SLC31A2: variants seen among roughly 807,000 people sequenced by gnomAD.
SLC31A2 encodes solute carrier family 31 member 2.
In SLC31A2, 16 loss-of-function variants were observed where a neutral mutation model predicts 14.4. The observed-to-expected ratio is 1.11, with a 90% CI of 0.75 to 1.69. The LOEUF is 1.69. Among genes scored for constraint, SLC31A2 ranks in the 40% most tolerant of loss-of-function variants. The pLI, the probability that SLC31A2 is intolerant of heterozygous loss-of-function variation, is 0.00. For synonymous variants in SLC31A2, 56 were observed against 68.7 expected (o/e 0.82, Z 0.91); for missense variants, 140 against 173.9 (o/e 0.81, Z 1.10).
At chr9:113,160,021 A>C (rs904799722) in intron 2 of SLC31A2, among the ~76,000 whole-genome samples, 25 of 152,170 alleles carry the variant, frequency 1.6e-4, no homozygotes, top group African/African-American at 5.8e-4. Flanking sequence ...CTAAAAATAC[A>C]AAAAAATTAG....
chr9:113,151,209 C>A lies in SLC31A2; in HGVS notation c.6+129C>A. 1.0e-6 allele frequency: 1 copy of A among 983,674 alleles called. No individual in the cohort carries two copies. Among genetic ancestry groups the A allele is most frequent in the Non-Finnish European group, 1.3e-6 (1 of 746,514 alleles). The allele number at this position is 983,674 out of a possible 1,614,324, so 60.9% of individuals were successfully genotyped here. A position where few individuals can be genotyped will look rare whatever the true frequency, so the allele number is the denominator to read the frequency against. On this transcript the variant is annotated intron_variant, in intron 1 of 3. Coordinates refer to ENST00000259392, the MANE Select transcript of SLC31A2 (RefSeq NM_001860.3). This position sits in a 1 kb window ranked among gnomAD's most constrained non-coding sequence, Gnocchi z 4.2. ...GGTGAAGGGTGTGTTGGCAGCATTG[C>A]CAACAGCTGGAACAGGGTTGGGGGA...
At chr9:113,152,660 T>TC (rs1359252885) in intron 1 of SLC31A2, among the ~76,000 whole-genome samples, 1 of 152,068 alleles carries the variant, frequency 6.6e-6, no homozygotes, top group Non-Finnish European at 1.5e-5. Context: ...CACTTAAATG[T>TC]CCCCCCTCAT....
rs1293147048 is a variant in SLC31A2, at chr9:113,155,946, T to C, written c.7-1781T>C. The C allele has an allele frequency of 8.6e-6, 4 of 464,606 alleles. No individual in the cohort carries two copies. The East Asian group carries it at 2.3e-4, about 26-fold the overall frequency. 28.8% of individuals were successfully genotyped at this position (464,606 alleles called of 1,614,324 possible). A position where few individuals can be genotyped will look rare whatever the true frequency, so the allele number is the denominator to read the frequency against. On this transcript the variant is annotated intron_variant, in intron 1 of 3. Transcript: ENST00000259392. ...CTGGACTCAGACTACTATTCTTTAC[T>C]ATCTCCTTTGGTCCTAACTGTTGAG...
Position 113,163,065 on chromosome 9 carries a change from TCC to T in SLC31A2, c.*150_*151del. The T allele has an allele frequency of 4.1e-6, 3 of 723,418 alleles. No individual in the cohort carries two copies. In the Admixed American group the frequency reaches 1.0e-4, roughly 25 times the overall value. The allele number at this position is 723,418 out of a possible 1,614,324, so 44.8% of individuals were successfully genotyped here. On this transcript the variant is annotated 3_prime_UTR_variant, in exon 4 of 4. Coordinates refer to ENST00000259392, the MANE Select transcript of SLC31A2 (RefSeq NM_001860.3). ...ACTTTGAGCTGAAGCCAGCACTTGC[TCC>T]CTGGAGTTCGGAAGCCATTGCAGCA...
At chr9:113,162,091 G>T in intron 3 of SLC31A2, 1 of 342,622 alleles carries the variant, frequency 2.9e-6, no homozygotes, top group Non-Finnish European at 5.5e-6. Context: ...GGTGGGAGGA[G>T]GATGACAAGC....
chr9:113,160,884 A>G (rs1203576191), intron 2 of SLC31A2: 1 of 152,244 alleles, frequency 6.6e-6, no homozygotes, highest in Non-Finnish European at 1.5e-5. Flanking sequence ...CAGGATATAT[A>G]TCTCTTATTA....
At chr9:113,153,909 C>G (rs1388188223) in intron 1 of SLC31A2, among the ~76,000 whole-genome samples, 1 of 152,158 alleles carries the variant, frequency 6.6e-6, no homozygotes, top group African/African-American at 2.4e-5. Context: ...GCTGCAGCGT[C>G]CAAATCTGAG....
At chr9:113,160,373 A>G (rs1304622820) in intron 2 of SLC31A2, among the ~76,000 whole-genome samples, 1 of 151,950 alleles carries the variant, frequency 6.6e-6, no homozygotes, top group Non-Finnish European at 1.5e-5. Context: ...AAAATTATTC[A>G]TATATAATAG....
rs1287434540 is a variant in SLC31A2, at chr9:113,151,069, C to T, written c.-6C>T. 2.3e-6 allele frequency: 3 copies of T among 1,307,116 alleles called. No homozygotes were observed. Among genetic ancestry groups the T allele is most frequent in the South Asian group, 5.8e-5 (2 of 34,510 alleles). The allele number at this position is 1,307,116 out of a possible 1,614,324, so 81.0% of individuals were successfully genotyped here. ...GCGGCCCTGGCGCCCGCCCTGCGCA[C>T]TCACCATGGCGGTAAGGGCCGGGCG... On this transcript the variant is annotated 5_prime_UTR_variant, in exon 1 of 4. Transcript: ENST00000259392. The surrounding 1 kb of genome is among the most constrained non-coding windows in gnomAD (Gnocchi z 4.2).
intron 1 of SLC31A2, among the ~76,000 whole-genome samples, chr9:113,155,557 ATTCT>A (rs1829922684): frequency 6.6e-6 from 1 of 152,212 alleles, no homozygotes; most frequent in Non-Finnish European, 1.5e-5. Flanking sequence ...AGTCTATGAG[ATTCT>A]TTCCCACAGG....
chr9:113,158,626 T>C (rs888926504), intron 2 of SLC31A2, among the ~76,000 whole-genome samples: 2 of 152,162 alleles, frequency 1.3e-5, no homozygotes, highest in Admixed American at 6.5e-5. Flanking sequence ...GCTGGAGTTG[T>C]TGGCTGAACA....
In SLC31A2 at chr9:113,151,060, C is replaced by T; in HGVS notation, c.-15C>T. On this transcript the variant is annotated 5_prime_UTR_variant, in exon 1 of 4. Transcript: ENST00000259392. The surrounding 1 kb of genome is among the most constrained non-coding windows in gnomAD (Gnocchi z 4.2). ...CGAGCAGACGCGGCCCTGGCGCCCG[C>T]CCTGCGCACTCACCATGGCGGTAAG... is the stretch of plus-strand genomic sequence containing the variant. The T allele has an allele frequency of 7.7e-7, 1 of 1,306,492 alleles. No homozygotes were observed. The highest frequency in any genetic ancestry group is 9.8e-7 in the Non-Finnish European group (1 of 1,020,816). The allele number at this position is 1,306,492 out of a possible 1,614,324, so 80.9% of individuals were successfully genotyped here. A position where few individuals can be genotyped will look rare whatever the true frequency, so the allele number is the denominator to read the frequency against.
chr9:113,151,229 G>A lies in SLC31A2; in HGVS notation c.6+149G>A. On this transcript the variant is annotated intron_variant, in intron 1 of 3. Transcript: ENST00000259392. The surrounding 1 kb of genome is among the most constrained non-coding windows in gnomAD (Gnocchi z 4.2). ...CATTGCCAACAGCTGGAACAGGGTT[G>A]GGGGACGCGGCAGGTATAGGTTGCG... The A allele has an allele frequency of 1.2e-6, 1 of 836,500 alleles. No individual in the cohort carries two copies. The highest frequency in any genetic ancestry group is 4.3e-5 in the Admixed American group (1 of 23,258). The allele number at this position is 836,500 out of a possible 1,614,324, so 51.8% of individuals were successfully genotyped here.
intron 2 of SLC31A2, among the ~76,000 whole-genome samples, chr9:113,158,612 C>A (rs933246718): frequency 2.0e-5 from 3 of 152,146 alleles, no homozygotes; most frequent in African/African-American, 7.2e-5. Flanking sequence ...TAGCTAGGAC[C>A]TCAGCTGGAG....
At chr9:113,161,761 C>A in intron 3 of SLC31A2, 63 bp downstream of exon 3, 1 of 1,558,898 alleles carries the variant, frequency 6.4e-7, no homozygotes, top group Non-Finnish European at 8.8e-7. Flanking sequence ...GACAGGCTGG[C>A]CCAGACAGCA....
intron 2 of SLC31A2, 125 bp downstream of exon 2, chr9:113,157,918 G>A: frequency 1.3e-6 from 1 of 744,816 alleles, no homozygotes; most frequent in Non-Finnish European, 2.4e-6. Flanking sequence ...CATAAACACT[G>A]AGCAGGAACT....
intron 2 of SLC31A2, chr9:113,158,011 G>C (rs1230819511): frequency 3.2e-6 from 2 of 629,584 alleles, no homozygotes; most frequent in Admixed American, 2.1e-5. Context: ...CAAAGGCCGA[G>C]AGGCAGGGAG....
chr9:113,161,839 C>A, intron 3 of SLC31A2, 141 bp downstream of exon 3: 2 of 880,698 alleles, frequency 2.3e-6, no homozygotes, highest in Non-Finnish European at 3.7e-6. Flanking sequence ...AGTGGCTACA[C>A]ATAGCCAAGT....
chr9:113,158,389 A>G (rs1022096200), intron 2 of SLC31A2, among the ~76,000 whole-genome samples: 3 of 152,250 alleles, frequency 2.0e-5, no homozygotes, highest in Admixed American at 6.5e-5. Context: ...TCAGCCCTAC[A>G]ATGGGTTACT....
Sources: gnomAD v4.1 joint callset for allele counts (sites outside exome capture counted in the v4.1 genomes callset) on GRCh38, gnomAD v4.1.1 for gene constraint, Gnocchi (gnomAD v3.1) non-coding constraint, MANE v1.5 for transcripts, NCBI Gene and HGNC (gene_info 2026-07-23, HGNC 2026-07-21) for gene names.